The following MAP3K20 variants were observed in gnomAD, a reference collection of about 807,000 sequenced individuals.
MAP3K20 encodes mitogen-activated protein kinase kinase kinase 20, also known as HCCS-4.
A neutral mutation model predicts 85.7 loss-of-function variants in MAP3K20; 40 were observed. That is an observed-to-expected ratio of 0.47 (90% CI 0.36 to 0.61). The LOEUF (loss-of-function observed/expected upper bound fraction) is 0.61. MAP3K20 is among the 20% of genes least tolerant of loss of function. The pLI, the probability that MAP3K20 is intolerant of heterozygous loss-of-function variation, is 0.00. For synonymous variants in MAP3K20, 325 were observed against 327.7 expected (o/e 0.99, Z 0.09); for missense variants, 817 against 961.7 (o/e 0.85, Z 1.99).
At chr2:173,255,865 A>G (rs1272082802) in intron 16 of MAP3K20, among the ~76,000 whole-genome samples, 3 of 152,254 alleles carry the variant, frequency 2.0e-5, no homozygotes, top group African/African-American at 7.2e-5. Context: ...TTGCTATTTC[A>G]GAGAAGAGCA....
At chr2:173,246,059 G>T (rs754409544) in intron 16 of MAP3K20, among the ~76,000 whole-genome samples, 2 of 151,978 alleles carry the variant, frequency 1.3e-5, no homozygotes, top group African/African-American at 2.4e-5. Context: ...TTATTCCTTC[G>T]TACTTCTGGT....
intron 7 of MAP3K20, among the ~76,000 whole-genome samples, chr2:173,191,935 G>A (rs1003455242): frequency 2.6e-5 from 4 of 152,232 alleles, no homozygotes; most frequent in African/African-American, 9.6e-5. Flanking sequence ...GAAGGAAGTG[G>A]AGTGGGAGAG....
chr2:173,234,148 C>T (rs1240679197), intron 14 of MAP3K20, among the ~76,000 whole-genome samples: 5 of 139,098 alleles, frequency 3.6e-5, no homozygotes, highest in Non-Finnish European at 6.2e-5. Flanking sequence ...ATGCTCCCAC[C>T]TCCCCTTCCC....
At chr2:173,231,853 T>C (rs1574140754) in intron 12 of MAP3K20, among the ~76,000 whole-genome samples, 1 of 152,350 alleles carries the variant, frequency 6.6e-6, no homozygotes, top group African/African-American at 2.4e-5. Flanking sequence ...ATACAATTCC[T>C]GAGTAAACTG....
At position 173,133,837 on chromosome 2, in the gene MAP3K20, A is replaced by G. The variant is rs191365863; in HGVS notation, c.160-35968A>G. 2.5e-3 allele frequency among the ~76,000 whole-genome samples: 382 copies of G among 151,876 alleles called. 2 individuals carry two copies. Among genetic ancestry groups the G allele is most frequent in the African/African-American group, 8.9e-3 (367 of 41,446 alleles). On this transcript the variant is annotated intron_variant, in intron 2 of 19. Transcript: ENST00000375213. ...ATCTCTACTAAAAAAAAAAAATCCAAAAAATTAGCCGGGCATGGTGGTGGG... is the reference window on the plus strand; with the variant it reads ...ATCTCTACTAAAAAAAAAAAATCCAGAAAATTAGCCGGGCATGGTGGTGGG...
At chr2:173,206,157 G>T (rs4972533) in intron 9 of MAP3K20, among the ~76,000 whole-genome samples, 100,469 of 152,040 alleles carry the variant, frequency 0.66, 34,915 homozygotes, top group African/African-American at 0.87. Flanking sequence ...ATTGTGATTA[G>T]ATTTCAGTAT....
chr2:173,238,580 C>CA, intron 15 of MAP3K20, 145 bp downstream of exon 15: 1 of 698,152 alleles, frequency 1.4e-6, no homozygotes, highest in Non-Finnish European at 2.4e-6. Flanking sequence ...CCCTTTGAAG[C>CA]AAGGGAAGTG....
Position 173,091,187 on chromosome 2 carries a change from A to G in MAP3K20, c.156A>G (p.Lys52=). 1.2e-6 allele frequency: 2 copies of G among 1,611,698 alleles called. No homozygotes were observed. The highest frequency in any genetic ancestry group is 1.7e-6 in the Non-Finnish European group (2 of 1,178,940). ...VAVKKLLKIE[K]EAEILSVLSH... ...TAAAGAAGCTCCTCAAAATAGAGAA[A>G]GAGGTAAGGTCTTTTCCAGCTGACA... is the stretch of plus-strand genomic sequence containing the variant. The change falls in exon 2 of 20, where the codon AAA becomes AAG. Residue 52 remains lysine, a synonymous_variant. Coordinates refer to ENST00000375213, the MANE Select transcript of MAP3K20 (RefSeq NM_016653.3).
At chr2:173,120,438 T>G (rs530341920) in intron 2 of MAP3K20, among the ~76,000 whole-genome samples, 1 of 152,042 alleles carries the variant, frequency 6.6e-6, no homozygotes, top group Admixed American at 6.5e-5. Flanking sequence ...CAACCCAATA[T>G]TCCCTTGGTA....
chr2:173,075,943 C>T lies in MAP3K20; in HGVS notation c.-94C>T. ...CGCTGTCGTCCCAACCCCCGCCGCCCTCGTCGCGCGCGGGGCCTCCGCGCC... is the reference window on the plus strand; with the variant it reads ...CGCTGTCGTCCCAACCCCCGCCGCCTTCGTCGCGCGCGGGGCCTCCGCGCC... On this transcript the variant is annotated 5_prime_UTR_variant, in exon 1 of 20. Transcript: ENST00000375213. 2 of 985,204 alleles carry T rather than the reference C, an allele frequency of 2.0e-6. No individual in the cohort carries two copies. Among genetic ancestry groups the T allele is most frequent in the Non-Finnish European group, 2.4e-6 (2 of 829,922 alleles). 61.0% of individuals were successfully genotyped at this position (985,204 alleles called of 1,614,324 possible).
chr2:173,201,934 GA>G (rs1307936409), intron 8 of MAP3K20, among the ~76,000 whole-genome samples: 1 of 152,144 alleles, frequency 6.6e-6, no homozygotes, highest in African/African-American at 2.4e-5. Flanking sequence ...AGTAAGAAAA[GA>G]TCACAGAAAT....
At chr2:173,213,383 A>G (rs1280436190) in intron 10 of MAP3K20, among the ~76,000 whole-genome samples, 1 of 152,304 alleles carries the variant, frequency 6.6e-6, no homozygotes, top group Non-Finnish European at 1.5e-5. Flanking sequence ...GAGAGAATAT[A>G]TATCTTGACC....
chr2:173,251,724 T>C lies in MAP3K20; in HGVS notation c.1360-6975T>C, dbSNP rs189767533. Among the ~76,000 whole-genome samples the C allele has an allele frequency of 4.6e-3, 694 of 152,342 alleles. 13 individuals are homozygous for C. Among genetic ancestry groups the C allele is most frequent in the Admixed American group, 0.035 (534 of 15,306 alleles). On this transcript the variant is annotated intron_variant, in intron 16 of 19. Coordinates refer to ENST00000375213, the MANE Select transcript of MAP3K20 (RefSeq NM_016653.3). Reference sequence around the variant, plus strand: ...GCTTATTCTGGTGGTTACACAGATATATACTATTGTCAAAATGTACTGAAC... The same window carrying C: ...GCTTATTCTGGTGGTTACACAGATACATACTATTGTCAAAATGTACTGAAC...
intron 1 of MAP3K20, among the ~76,000 whole-genome samples, chr2:173,090,402 C>T (rs1342581204): frequency 6.6e-6 from 1 of 152,162 alleles, no homozygotes; most frequent in African/African-American, 2.4e-5. Flanking sequence ...AGTTTTGTTA[C>T]AGTATACAGT....
intron 16 of MAP3K20, among the ~76,000 whole-genome samples, chr2:173,252,768 G>A (rs1685067933): frequency 6.6e-6 from 1 of 152,102 alleles, no homozygotes; most frequent in Non-Finnish European, 1.5e-5. Context: ...TGTGACCTCA[G>A]TCAAATTACC....
intron 16 of MAP3K20, among the ~76,000 whole-genome samples, chr2:173,250,693 T>G (rs1242504231): frequency 1.3e-5 from 2 of 152,220 alleles, no homozygotes; most frequent in Non-Finnish European, 2.9e-5. Flanking sequence ...CTGTACATCA[T>G]TATGAGACAT....
At chr2:173,242,341 G>T (rs1367798443) in intron 16 of MAP3K20, among the ~76,000 whole-genome samples, 1 of 151,886 alleles carries the variant, frequency 6.6e-6, no homozygotes, top group Non-Finnish European at 1.5e-5. Context: ...AGCTAATTTT[G>T]TATTTTTAGT....
At chr2:173,194,013 C>G (rs1206964286) in intron 7 of MAP3K20, among the ~76,000 whole-genome samples, 1 of 152,166 alleles carries the variant, frequency 6.6e-6, no homozygotes, top group Non-Finnish European at 1.5e-5. Flanking sequence ...TCCACCCCAT[C>G]ATGTGATGTG....
At chr2:173,178,292 A>G (rs190971230) in intron 3 of MAP3K20, among the ~76,000 whole-genome samples, 34 of 152,312 alleles carry the variant, frequency 2.2e-4, no homozygotes, top group African/African-American at 7.9e-4. Context: ...GCAGTGAACA[A>G]TTGTCTTAAA....
Sources: gnomAD v4.1 joint callset for allele counts (sites outside exome capture counted in the v4.1 genomes callset) on GRCh38, gnomAD v4.1.1 for gene constraint, MANE v1.5 for transcripts, NCBI Gene and HGNC (gene_info 2026-07-23, HGNC 2026-07-21) for gene names.